MAGI3: variants seen among roughly 807,000 people sequenced by gnomAD.
MAGI3 encodes membrane associated guanylate kinase, WW and PDZ domain containing 3.
In MAGI3, 43 loss-of-function variants were observed where a neutral mutation model predicts 121.8. That is an observed-to-expected ratio of 0.35 (90% CI 0.28 to 0.46). The LOEUF is 0.46. Among genes scored for constraint, MAGI3 ranks in the 20% least tolerant of loss-of-function variants. The pLI is 1.00. For missense variants in MAGI3, 1,547 were observed against 1,797.3 expected, an observed-to-expected ratio of 0.86 and a Z score of 2.52; for synonymous variants, 553 against 639.3, an observed-to-expected ratio of 0.86 and a Z score of 2.04.
In MAGI3 at chr1:113,391,295, C is replaced by A. The variant is rs1343766773; in HGVS notation, c.262C>A (p.Leu88Met). ...CAGCGGGCTCACCAACCGGGACACCCTGGCTGTCATCCGCCACTTCCGCGA... is the reference window on the plus strand; with the variant it reads ...CAGCGGGCTCACCAACCGGGACACCATGGCTGTCATCCGCCACTTCCGCGA... The part of the protein sequence containing the change: ...PVSGLTNRDT[L>M]AVIRHFREPI... The change falls in exon 1 of 21, where the codon CTG (leucine) becomes ATG (methionine). Residue 88 changes from leucine (L) to methionine (M), a missense_variant. By Grantham distance (15) the Leu-to-Met change is conservative. Coordinates refer to ENST00000307546, the MANE Select transcript of MAGI3 (RefSeq NM_001142782.2). This position sits in a 1 kb window ranked among gnomAD's most constrained non-coding sequence, Gnocchi z 4.4. 6.3e-6 allele frequency: 10 copies of A among 1,594,956 alleles called. No individual in the cohort carries two copies. Among genetic ancestry groups the A allele is most frequent in the Non-Finnish European group, 8.5e-6 (10 of 1,171,958 alleles).
intron 1 of MAGI3, among the ~76,000 whole-genome samples, chr1:113,458,054 TA>T (rs1442737702): frequency 6.6e-6 from 1 of 152,214 alleles, no homozygotes; most frequent in African/African-American, 2.4e-5. Context: ...TTGTGGGCCA[TA>T]AGAAGGAGTT....
At chr1:113,406,043 A>G (rs1557738128) in intron 1 of MAGI3, among the ~76,000 whole-genome samples, 1 of 152,048 alleles carries the variant, frequency 6.6e-6, no homozygotes, top group Non-Finnish European at 1.5e-5. Context: ...CCTGGCCTCA[A>G]GATAGATAAT....
At chr1:113,578,852 T>C (rs2101716581) in intron 2 of MAGI3, among the ~76,000 whole-genome samples, 1 of 152,220 alleles carries the variant, frequency 6.6e-6, no homozygotes, top group South Asian at 2.1e-4. Flanking sequence ...AAAAAAAAAT[T>C]GGGTTAAAAA....
rs1266040352 is a variant in MAGI3, at chr1:113,642,079, C to A, written c.1529C>A (p.Ala510Asp). 6.2e-7 allele frequency: 1 copy of A among 1,614,146 alleles called. No homozygotes were observed. The highest frequency in any genetic ancestry group is 1.1e-5 in the South Asian group (1 of 91,072). ...SEDPVVDIVA[A>D]TPVINGQSLT... is the part of the protein sequence containing the mutation. Reference sequence around the variant, plus strand: ...GATCCTGTTGTGGACATTGTTGCTGCTACCCCTGTCATCAATGGACAGTCA... The same window carrying A: ...GATCCTGTTGTGGACATTGTTGCTGATACCCCTGTCATCAATGGACAGTCA... Residue 510 changes from alanine to aspartate, a missense_variant, in exon 10 of 21, where the codon GCT becomes GAT. Physicochemically the swap from Ala to Asp is moderately radical, Grantham distance 126. Transcript: ENST00000307546.
intron 1 of MAGI3, among the ~76,000 whole-genome samples, chr1:113,535,857 C>T (rs1312737912): frequency 6.6e-6 from 1 of 152,032 alleles, no homozygotes; most frequent in Non-Finnish European, 1.5e-5. Context: ...ACAAGGTGTC[C>T]GTCTCACCAA....
intron 9 of MAGI3, among the ~76,000 whole-genome samples, chr1:113,639,044 G>A (rs528223438): frequency 1.2e-3 from 177 of 152,352 alleles, no homozygotes; most frequent in Non-Finnish European, 2.1e-3. Flanking sequence ...AGCCAGGTGC[G>A]GCATATAATC....
chr1:113,468,992 G>T (rs1444181120), intron 1 of MAGI3, among the ~76,000 whole-genome samples: 1 of 152,054 alleles, frequency 6.6e-6, no homozygotes, highest in Non-Finnish European at 1.5e-5. Flanking sequence ...GTGACCATAA[G>T]CCTTTTGAAG....
At chr1:113,629,757 T>TCTCTCTCTCTCC (rs1553209675) in intron 9 of MAGI3, among the ~76,000 whole-genome samples, 32 of 95,720 alleles carry the variant, frequency 3.3e-4, no homozygotes, top group East Asian at 7.6e-4. Context: ...TCTCTCTCTC[T>TCTCTCTCTCTCC]CTCTCCCTCC....
chr1:113,576,989 C>T (rs1008127399), intron 2 of MAGI3: 3 of 152,068 alleles, frequency 2.0e-5, no homozygotes, highest in African/African-American at 7.2e-5. Context: ...TTATGTGATT[C>T]CATTCATACG....
chr1:113,511,800 C>T (rs1361344482), intron 1 of MAGI3, among the ~76,000 whole-genome samples: 1 of 152,144 alleles, frequency 6.6e-6, no homozygotes, highest in Admixed American at 6.5e-5. Context: ...TAAGATAGGA[C>T]ATTTAATGAA....
intron 1 of MAGI3, among the ~76,000 whole-genome samples, chr1:113,439,573 T>A (rs1653811177): frequency 6.6e-6 from 1 of 152,158 alleles, no homozygotes; most frequent in African/African-American, 2.4e-5. Flanking sequence ...TTTTATCACC[T>A]CCCTTGACTT....
chr1:113,619,063 A>T (rs1225478941), intron 7 of MAGI3, among the ~76,000 whole-genome samples: 2 of 152,192 alleles, frequency 1.3e-5, no homozygotes, highest in Non-Finnish European at 2.9e-5. Flanking sequence ...TAGTCTCCCC[A>T]GGCTTCCTGC....
intron 2 of MAGI3, among the ~76,000 whole-genome samples, chr1:113,572,846 G>C (rs779655603): frequency 5.9e-5 from 9 of 151,500 alleles, no homozygotes; most frequent in African/African-American, 2.2e-4. Flanking sequence ...ACCAGCTCCT[G>C]GATTCATTGA....
intron 1 of MAGI3, among the ~76,000 whole-genome samples, chr1:113,442,639 A>G (rs889927048): frequency 2.6e-5 from 4 of 151,812 alleles, no homozygotes; most frequent in Admixed American, 6.6e-5. Context: ...TCGTATATAT[A>G]ATGATCATAG....
At chr1:113,576,679 C>G (rs1647669154) in intron 2 of MAGI3, 1 of 152,120 alleles carries the variant, frequency 6.6e-6, no homozygotes, top group Non-Finnish European at 1.5e-5. Flanking sequence ...CTTGAATAAC[C>G]ACTTCACAAC....
chr1:113,434,621 A>C (rs1019832295), intron 1 of MAGI3, among the ~76,000 whole-genome samples: 4 of 152,234 alleles, frequency 2.6e-5, no homozygotes, highest in Admixed American at 6.5e-5. Context: ...GTGCCTCTCT[A>C]TGTTTTATAA....
At chr1:113,682,217 G>T (rs549472551) in intron 20 of MAGI3, 1 of 1,599,244 alleles carries the variant, frequency 6.3e-7, no homozygotes, top group Non-Finnish European at 8.5e-7. Flanking sequence ...TTCAGGTTTG[G>T]CTCCTTCCGG....
At chr1:113,579,309 T>C (rs1330848856) in intron 2 of MAGI3, among the ~76,000 whole-genome samples, 1 of 151,512 alleles carries the variant, frequency 6.6e-6, no homozygotes, top group Non-Finnish European at 1.5e-5. Context: ...GAGGTGAGAG[T>C]GGGAAAGGGA....
At chr1:113,409,781 A>G (rs953960263) in intron 1 of MAGI3, among the ~76,000 whole-genome samples, 3 of 152,040 alleles carry the variant, frequency 2.0e-5, no homozygotes, top group Non-Finnish European at 2.9e-5. Flanking sequence ...TCCATTGTGT[A>G]ATAGGTGGGT....
Sources: allele counts gnomAD v4.1 joint callset (sites outside exome capture counted in the v4.1 genomes callset), GRCh38; gene constraint gnomAD v4.1.1; non-coding constraint Gnocchi (gnomAD v3.1); transcripts MANE v1.5; gene names NCBI Gene and HGNC (gene_info 2026-07-23, HGNC 2026-07-21).